WDR25: variants seen among roughly 807,000 people sequenced by gnomAD.
WDR25 encodes the protein WD repeat-containing protein 25.
A neutral mutation model predicts 47.7 loss-of-function variants in WDR25; 35 were observed. The observed-to-expected ratio is 0.73, with a 90% CI of 0.56 to 0.97. The LOEUF (loss-of-function observed/expected upper bound fraction) is 0.97, where lower values mean the gene tolerates loss of function less well. WDR25 is among the 50% of genes least tolerant of loss of function. The pLI, the probability that WDR25 is intolerant of heterozygous loss-of-function variation, is 0.00. For synonymous variants in WDR25, 248 were observed against 278.9 expected (o/e 0.89, Z 1.10); for missense variants, 634 against 704.7 (o/e 0.90, Z 1.14).
chr14:100,406,155 G>A (rs897048547), intron 2 of WDR25, among the ~76,000 whole-genome samples: 3 of 152,168 alleles, frequency 2.0e-5, no homozygotes, highest in African/African-American at 7.2e-5. Flanking sequence ...GATGGAGAAG[G>A]GAGGGTTAAA....
At chr14:100,496,696 C>T (rs1900737103) in intron 4 of WDR25, among the ~76,000 whole-genome samples, 1 of 151,980 alleles carries the variant, frequency 6.6e-6, no homozygotes. Context: ...AATCCAATTA[C>T]AAATACTTTC....
intron 4 of WDR25, among the ~76,000 whole-genome samples, chr14:100,513,647 T>G (rs1358512428): frequency 6.6e-6 from 1 of 152,154 alleles, no homozygotes. Context: ...GATTATCATG[T>G]TCTCCTAATG....
chr14:100,384,116 C>A (rs1442158613), intron 2 of WDR25, among the ~76,000 whole-genome samples: 1 of 151,670 alleles, frequency 6.6e-6, no homozygotes, highest in Non-Finnish European at 1.5e-5. Flanking sequence ...CTGCACTGTG[C>A]ACCCTGGGTT....
At chr14:100,396,301 G>T (rs1414336158) in intron 2 of WDR25, among the ~76,000 whole-genome samples, 2 of 152,140 alleles carry the variant, frequency 1.3e-5, no homozygotes, top group Non-Finnish European at 2.9e-5. Flanking sequence ...ACACTGTCAG[G>T]TAATGGTCAT....
chr14:100,466,785 G>A (rs1446802324), intron 2 of WDR25, among the ~76,000 whole-genome samples: 1 of 152,240 alleles, frequency 6.6e-6, no homozygotes, highest in Non-Finnish European at 1.5e-5. Context: ...TGGGTGGTAG[G>A]TGAGAGCACT....
At chr14:100,454,128 TG>T (rs1899125965) in intron 2 of WDR25, among the ~76,000 whole-genome samples, 1 of 152,218 alleles carries the variant, frequency 6.6e-6, no homozygotes, top group Non-Finnish European at 1.5e-5. Context: ...TTGGGTACCC[TG>T]CCCTTAGAGA....
Position 100,499,821 on chromosome 14 carries a change from C to T in WDR25, c.1101+15697C>T, listed in dbSNP as rs185068735. Among the ~76,000 whole-genome samples the T allele has an allele frequency of 1.1e-4, 17 of 152,240 alleles. No homozygotes were observed. The highest frequency in any genetic ancestry group is 7.8e-4 in the Admixed American group (12 of 15,298). On this transcript the variant is annotated intron_variant, in intron 4 of 6. Coordinates refer to ENST00000402312, the MANE Select transcript of WDR25 (RefSeq NM_001161476.3). This position sits in a 1 kb window ranked among gnomAD's most constrained non-coding sequence, Gnocchi z 4.4. The stretch of plus-strand genomic sequence containing the variant: ...CGCTGTGTTCTGCTTTGCTCCCAGT[C>T]CTTGCTAATCAGCCCAGCCAAGCAC...
intron 2 of WDR25, among the ~76,000 whole-genome samples, chr14:100,410,187 C>T (rs1897665555): frequency 6.6e-6 from 1 of 152,192 alleles, no homozygotes; most frequent in Non-Finnish European, 1.5e-5. Flanking sequence ...AGCCAGCGCT[C>T]CCTTCGTCAA....
At chr14:100,414,220 A>G (rs1595514862) in intron 2 of WDR25, among the ~76,000 whole-genome samples, 1 of 145,030 alleles carries the variant, frequency 6.9e-6, no homozygotes, top group Non-Finnish European at 1.5e-5. Flanking sequence ...CTCGTCTTGA[A>G]CTCCTGACCT....
At chr14:100,422,806 C>T (rs1025910247) in intron 2 of WDR25, among the ~76,000 whole-genome samples, 65 of 152,324 alleles carry the variant, frequency 4.3e-4, no homozygotes, top group African/African-American at 1.4e-3. Context: ...TGCCCACTGG[C>T]GAGGCCAGGC....
Position 100,530,003 on chromosome 14 carries a change from A to G in WDR25, c.1597A>G (p.Thr533Ala). 6.2e-7 allele frequency: 1 copy of G among 1,613,158 alleles called. No homozygotes were observed. The highest frequency in any genetic ancestry group is 8.5e-7 in the Non-Finnish European group (1 of 1,179,794). Residue 533 changes from threonine to alanine, a missense_variant, in exon 7 of 7, where the codon ACC (threonine) becomes GCC (alanine). Thr to Ala is a moderately conservative substitution (Grantham distance 58). Transcript: ENST00000402312. The stretch of plus-strand genomic sequence containing the variant: ...CCCCGTGCTGCCCTCCGTCCTCGCC[A>G]CCTGCTCCTGGGGAGGGGACATGAA... ...YHPVLPSVLATCSWGGDMKIW... is the reference protein window; with the variant it reads ...YHPVLPSVLAACSWGGDMKIW...
At position 100,500,127 on chromosome 14, in the gene WDR25, C is replaced by A. The variant is rs1406550747; in HGVS notation, c.1101+16003C>A. ...CCTACTTCTCTCTTACCTGCTGCAT[C>A]CTCTCTGTGCACCAAGGAGGAGGGC... On this transcript the variant is annotated intron_variant, in intron 4 of 6. Transcript: ENST00000402312. The surrounding 1 kb of genome is among the most constrained non-coding windows in gnomAD (Gnocchi z 4.7). Among the ~76,000 whole-genome samples, 1 of 152,122 alleles carries A rather than the reference C, an allele frequency of 6.6e-6. No individual in the cohort carries two copies. The highest frequency in any genetic ancestry group is 1.5e-5 in the Non-Finnish European group (1 of 67,998).
intron 3 of WDR25, chr14:100,481,241 G>T: frequency 1.7e-6 from 1 of 573,716 alleles, no homozygotes; most frequent in South Asian, 1.5e-5. Context: ...TCCAGCCTCT[G>T]ATGAAGCAGG....
intron 2 of WDR25, among the ~76,000 whole-genome samples, chr14:100,434,515 C>T (rs1566908442): frequency 6.6e-6 from 1 of 152,202 alleles, no homozygotes; most frequent in Admixed American, 6.5e-5. Flanking sequence ...TCAGGTGTTT[C>T]TTGGGTTTGT....
chr14:100,526,065 T>C, intron 5 of WDR25, 25 bp downstream of exon 5: 1 of 1,613,278 alleles, frequency 6.2e-7, no homozygotes, highest in Non-Finnish European at 8.5e-7. Flanking sequence ...TTGGCATTGC[T>C]GTCAGTTTCA....
intron 5 of WDR25, among the ~76,000 whole-genome samples, chr14:100,526,718 C>A (rs1484229016): frequency 6.7e-6 from 1 of 148,818 alleles, no homozygotes; most frequent in Admixed American, 6.7e-5. Flanking sequence ...GTACCACCAT[C>A]AGCATCACTG....
At chr14:100,516,594 GACACTTGT>G (rs1445430899) in intron 4 of WDR25, among the ~76,000 whole-genome samples, 1 of 152,138 alleles carries the variant, frequency 6.6e-6, no homozygotes, top group Non-Finnish European at 1.5e-5. Flanking sequence ...TAGATGAATT[GACACTTGT>G]ACGTTTTCAT....
At chr14:100,398,158 G>T (rs556079354) in intron 2 of WDR25, among the ~76,000 whole-genome samples, 1 of 152,208 alleles carries the variant, frequency 6.6e-6, no homozygotes, top group East Asian at 1.9e-4. Context: ...TTCTGATCAG[G>T]AGTGGGGAGT....
At chr14:100,469,663 G>A (rs1899763328) in intron 3 of WDR25, among the ~76,000 whole-genome samples, 1 of 152,240 alleles carries the variant, frequency 6.6e-6, no homozygotes, top group South Asian at 2.1e-4. Flanking sequence ...GATGCCACTT[G>A]ATGATGGTGA....
Sources: gnomAD v4.1 joint callset for allele counts (sites outside exome capture counted in the v4.1 genomes callset) on GRCh38, gnomAD v4.1.1 for gene constraint, Gnocchi (gnomAD v3.1) non-coding constraint, MANE v1.5 for transcripts, NCBI Gene and HGNC (gene_info 2026-07-23, HGNC 2026-07-21) for gene names.